The following PRKG1 variants were observed in gnomAD, a reference collection of about 807,000 sequenced individuals.
PRKG1 encodes protein kinase cGMP-dependent 1.
A neutral mutation model predicts 88.1 loss-of-function variants in PRKG1; 35 were observed. That is an observed-to-expected ratio of 0.40 (90% CI 0.30 to 0.53). PRKG1 has a LOEUF of 0.53. PRKG1 is among the 20% of genes least tolerant of loss of function. The pLI, the probability that PRKG1 is intolerant of heterozygous loss-of-function variation, is 0.59. For synonymous variants in PRKG1, 303 were observed against 292.5 expected (o/e 1.04, Z -0.37); for missense variants, 540 against 839.8 (o/e 0.64, Z 4.41).
chr10:51,589,510 G>A (rs561747739), intron 3 of PRKG1, among the ~76,000 whole-genome samples: 1 of 152,224 alleles, frequency 6.6e-6, no homozygotes, highest in South Asian at 2.1e-4. Flanking sequence ...TGTAATTCCA[G>A]CTACTCAGGA....
intron 3 of PRKG1, among the ~76,000 whole-genome samples, chr10:51,603,817 T>C (rs72797309): frequency 0.036 from 5,489 of 152,026 alleles, 156 homozygotes; most frequent in Non-Finnish European, 0.053. Flanking sequence ...GGAGAAGGGG[T>C]TGAGATCAGA....
chr10:51,680,215 A>T (rs1840816578), intron 3 of PRKG1, among the ~76,000 whole-genome samples: 1 of 152,112 alleles, frequency 6.6e-6, no homozygotes, highest in Non-Finnish European at 1.5e-5. Flanking sequence ...AGAACCTCAA[A>T]AGAATACTTA....
At chr10:51,500,661 T>C (rs2132892901) in intron 3 of PRKG1, among the ~76,000 whole-genome samples, 1 of 152,308 alleles carries the variant, frequency 6.6e-6, no homozygotes, top group Non-Finnish European at 1.5e-5. Flanking sequence ...AATCTCTGCA[T>C]TTATTCTGTT....
intron 3 of PRKG1, among the ~76,000 whole-genome samples, chr10:51,690,818 C>T (rs1486970431): frequency 6.7e-6 from 1 of 149,238 alleles, no homozygotes; most frequent in Non-Finnish European, 1.5e-5. Context: ...CCCAGCTACT[C>T]AGGAGGCTGA....
chr10:51,392,284 C>T (rs1045703394), intron 2 of PRKG1, among the ~76,000 whole-genome samples: 4 of 151,848 alleles, frequency 2.6e-5, no homozygotes, highest in African/African-American at 4.8e-5. Context: ...TGCGGCCTTC[C>T]GCAGTGTTTG....
At chr10:51,246,825 C>A (rs1459502324) in intron 2 of PRKG1, among the ~76,000 whole-genome samples, 1 of 151,868 alleles carries the variant, frequency 6.6e-6, no homozygotes, top group African/African-American at 2.4e-5. Flanking sequence ...GCTATTCAGC[C>A]CCTTATTGAT....
At chr10:52,088,784 CTA>C (rs920235800) in intron 7 of PRKG1, among the ~76,000 whole-genome samples, 15 of 152,106 alleles carry the variant, frequency 9.9e-5, no homozygotes, top group Non-Finnish European at 1.9e-4. Context: ...TTATTTGTTT[CTA>C]TGTTATTAAT....
intron 2 of PRKG1, among the ~76,000 whole-genome samples, chr10:51,339,622 A>G (rs529194721): frequency 2.6e-5 from 4 of 152,070 alleles, no homozygotes; most frequent in African/African-American, 7.2e-5. Flanking sequence ...ATATTTATAT[A>G]TATTTATGTG....
chr10:51,191,932 G>A (rs1229225073), intron 2 of PRKG1, among the ~76,000 whole-genome samples: 4 of 151,706 alleles, frequency 2.6e-5, no homozygotes, highest in Admixed American at 1.3e-4. Context: ...GTATCATTCT[G>A]TGGGTCATAC....
At chr10:51,403,087 A>G (rs1032128683) in intron 2 of PRKG1, among the ~76,000 whole-genome samples, 3 of 152,198 alleles carry the variant, frequency 2.0e-5, no homozygotes, top group Non-Finnish European at 4.4e-5. Flanking sequence ...AAAACTCAGC[A>G]TTGGGCACAT....
In PRKG1 at chr10:52,294,131, A is replaced by C; in HGVS notation, c.*231A>C. 2.4e-6 allele frequency: 1 copy of C among 412,004 alleles called. No homozygotes were observed. The highest frequency in any genetic ancestry group is 4.2e-6 in the Non-Finnish European group (1 of 236,188). 25.5% of individuals were successfully genotyped at this position (412,004 alleles called of 1,614,324 possible). A position where few individuals can be genotyped will look rare whatever the true frequency, so the allele number is the denominator to read the frequency against. On this transcript the variant is annotated 3_prime_UTR_variant, in exon 18 of 18. Coordinates refer to ENST00000373980, the MANE Select transcript of PRKG1 (RefSeq NM_006258.4). ...AATAGCAGTTGACATGGTGGTCCTG[A>C]AGCAAAGCCTTTCACCAGTAAAAGA...
At chr10:51,988,802 G>T (rs182554596) in intron 5 of PRKG1, among the ~76,000 whole-genome samples, 8 of 151,868 alleles carry the variant, frequency 5.3e-5, no homozygotes, top group African/African-American at 1.9e-4. Context: ...CCTCTTTATA[G>T]CTTGTCTGTT....
intron 2 of PRKG1, among the ~76,000 whole-genome samples, chr10:51,156,846 T>C (rs1288402845): frequency 2.0e-5 from 3 of 152,010 alleles, no homozygotes; most frequent in Non-Finnish European, 2.9e-5. Flanking sequence ...GGATTCTTTG[T>C]TATCTGTGAA....
At chr10:52,117,890 A>G (rs1362285504) in intron 7 of PRKG1, among the ~76,000 whole-genome samples, 1 of 152,044 alleles carries the variant, frequency 6.6e-6, no homozygotes, top group Non-Finnish European at 1.5e-5. Context: ...AGGAGATTGT[A>G]TACATATAGG....
At chr10:51,338,103 A>G (rs1407123368) in intron 2 of PRKG1, among the ~76,000 whole-genome samples, 1 of 152,138 alleles carries the variant, frequency 6.6e-6, no homozygotes, top group Non-Finnish European at 1.5e-5. Flanking sequence ...TCAGCAAACT[A>G]ATGCAGGAAC....
chr10:51,981,558 C>T (rs1478398076), intron 5 of PRKG1, among the ~76,000 whole-genome samples: 1 of 152,002 alleles, frequency 6.6e-6, no homozygotes, highest in Non-Finnish European at 1.5e-5. Context: ...TGTGCTTCAG[C>T]TTGGGTGACA....
At chr10:51,335,067 A>C (rs1841841602) in intron 2 of PRKG1, among the ~76,000 whole-genome samples, 2 of 126,494 alleles carry the variant, frequency 1.6e-5, no homozygotes. Flanking sequence ...GTTGGAGTGC[A>C]GTGGCCCTAT....
chr10:51,223,633 G>C (rs1352061741), intron 2 of PRKG1, among the ~76,000 whole-genome samples: 1 of 151,908 alleles, frequency 6.6e-6, no homozygotes, highest in Admixed American at 6.6e-5. Context: ...AAATTTAATG[G>C]CTGTATAAGA....
chr10:51,341,983 C>G (rs1314926302), intron 2 of PRKG1, among the ~76,000 whole-genome samples: 4 of 152,090 alleles, frequency 2.6e-5, no homozygotes, highest in Non-Finnish European at 5.9e-5. Context: ...GGTTTTCTGG[C>G]CCTGCCCTTT....
Sources: gnomAD v4.1 joint callset for allele counts (sites outside exome capture counted in the v4.1 genomes callset) on GRCh38, gnomAD v4.1.1 for gene constraint, MANE v1.5 for transcripts, NCBI Gene and HGNC (gene_info 2026-07-23, HGNC 2026-07-21) for gene names.